The following FAAH2 variants were observed in gnomAD, a reference collection of about 807,000 sequenced individuals.
FAAH2 encodes fatty acid amide hydrolase 2.
In FAAH2, 60 loss-of-function variants were observed where a neutral mutation model predicts 36.9. The observed-to-expected ratio is 1.63, with a 90% CI of 1.32 to 2.02. The LOEUF is 2.02. Ranked by LOEUF, FAAH2 falls within the 30% of genes most tolerant of loss-of-function variation. The pLI is 0.00. For synonymous variants in FAAH2, 214 were observed against 143.8 expected (o/e 1.49, Z -3.49); for missense variants, 689 against 397.5 (o/e 1.73, Z -6.23).
At chrX:57,294,469 C>G (rs1254695568) in intron 2 of FAAH2, among the ~76,000 whole-genome samples, 2 of 112,033 alleles carry the variant, frequency 1.8e-5, no homozygotes, top group Non-Finnish European at 3.8e-5. Context: ...AAGCAAGATA[C>G]CTAGGTGTAC....
intron 5 of FAAH2, among the ~76,000 whole-genome samples, chrX:57,357,569 A>G (rs2054189343): frequency 8.9e-6 from 1 of 112,269 alleles, no homozygotes; most frequent in African/African-American, 3.2e-5. Context: ...TATGCAGACA[A>G]CAAATGTATG....
chrX:57,306,730 G>GTGTA (rs1555964642), intron 2 of FAAH2, among the ~76,000 whole-genome samples: 3 of 28,673 alleles, frequency 1.0e-4, no homozygotes, highest in African/African-American at 5.8e-4. Flanking sequence ...GTGTGTGTGT[G>GTGTA]TATATATATA....
intron 7 of FAAH2, among the ~76,000 whole-genome samples, chrX:57,420,147 T>C (rs2055973034): frequency 8.9e-6 from 1 of 111,883 alleles, no homozygotes; most frequent in Admixed American, 9.5e-5. Context: ...TGAAGTCAGG[T>C]AGCATGATGC....
At chrX:57,253,234 CAAA>C in the FAAH2 span, among the ~76,000 whole-genome samples, 24 of 100,125 alleles carry the variant, frequency 2.4e-4, no homozygotes, top group South Asian at 0.011. Flanking sequence ...TGAAAAGAAA[CAAA>C]AAAAAAAGCC....
intron 7 of FAAH2, chrX:57,394,594 C>T (rs2055247974): frequency 4.3e-6 from 5 of 1,175,619 alleles, no homozygotes; most frequent in Non-Finnish European, 1.2e-6. Flanking sequence ...CAGTGCTCTG[C>T]ATGAGCATTG....
chrX:57,481,231 G>C (rs949114733), intron 10 of FAAH2, among the ~76,000 whole-genome samples: 1 of 111,096 alleles, frequency 9.0e-6, no homozygotes, highest in Non-Finnish European at 1.9e-5. Flanking sequence ...ACATACTGAA[G>C]CCTACTTCTG....
chrX:57,350,027 T>C (rs1384387371), intron 5 of FAAH2, among the ~76,000 whole-genome samples: 1 of 110,644 alleles, frequency 9.0e-6, no homozygotes, highest in Admixed American at 9.6e-5. Context: ...TATTTACCTA[T>C]TAAAGAAAAA....
chrX:57,122,140 C>T, the FAAH2 span, among the ~76,000 whole-genome samples: 2 of 111,341 alleles, frequency 1.8e-5, no homozygotes, highest in African/African-American at 6.5e-5. Flanking sequence ...AGAGGAAAAT[C>T]ATCAACTGCA....
At chrX:57,379,730 TA>T (rs1411446580) in intron 6 of FAAH2, among the ~76,000 whole-genome samples, 1 of 110,606 alleles carries the variant, frequency 9.0e-6, no homozygotes, top group African/African-American at 3.3e-5. Flanking sequence ...TCATTAACTC[TA>T]AATTCTCACA....
intron 7 of FAAH2, among the ~76,000 whole-genome samples, chrX:57,427,701 C>A (rs961584294): frequency 7.2e-5 from 8 of 111,448 alleles, no homozygotes; most frequent in African/African-American, 2.6e-4. Flanking sequence ...TAGAATTCAG[C>A]ATAACTTTAT....
chrX:57,429,232 G>A (rs975347050), intron 7 of FAAH2, among the ~76,000 whole-genome samples: 13 of 108,925 alleles, frequency 1.2e-4, no homozygotes, highest in African/African-American at 4.0e-4. Flanking sequence ...CCAGCTACTT[G>A]GGAGGCTGAG....
At chrX:57,395,296 C>T in intron 7 of FAAH2, 1 of 647,637 alleles carries the variant, frequency 1.5e-6, no homozygotes. Flanking sequence ...TGTAATATTG[C>T]CAGGCCTGGT....
intron 5 of FAAH2, among the ~76,000 whole-genome samples, chrX:57,348,230 A>G (rs1181829922): frequency 9.1e-6 from 1 of 110,137 alleles, no homozygotes; most frequent in Non-Finnish European, 1.9e-5. Flanking sequence ...TTCCTAGGGA[A>G]CTGAGATTTG....
the FAAH2 span, among the ~76,000 whole-genome samples, chrX:57,152,434 A>T: frequency 3.6e-5 from 4 of 112,455 alleles, no homozygotes; most frequent in African/African-American, 1.3e-4. Context: ...CGAGCTTCCC[A>T]GCTGCTTTGT....
intron 8 of FAAH2, among the ~76,000 whole-genome samples, chrX:57,439,266 G>T (rs1427851695): frequency 9.1e-6 from 1 of 110,204 alleles, no homozygotes; most frequent in African/African-American, 3.3e-5. Flanking sequence ...AGCACCTGTT[G>T]TTTCCTGACT....
At chrX:57,271,535 G>A in the FAAH2 span, among the ~76,000 whole-genome samples, 1 of 112,120 alleles carries the variant, frequency 8.9e-6, no homozygotes, top group African/African-American at 3.2e-5. Context: ...CATCTGGAAG[G>A]TGTACCTCTG....
At chrX:57,415,519 ATGT>A (rs2055818387) in intron 7 of FAAH2, among the ~76,000 whole-genome samples, 1 of 111,686 alleles carries the variant, frequency 9.0e-6, no homozygotes, top group African/African-American at 3.3e-5. Context: ...CTCAGTTTCC[ATGT>A]ACTTTTGCAG....
intron 7 of FAAH2, among the ~76,000 whole-genome samples, chrX:57,414,969 G>C (rs758883967): frequency 2.8e-5 from 3 of 107,811 alleles, no homozygotes; most frequent in Non-Finnish European, 5.7e-5. Context: ...GGGTGTACGT[G>C]TCCAGGAATT....
At chrX:57,136,604 TG>T in the FAAH2 span, 1 of 385,635 alleles carries the variant, frequency 2.6e-6, no homozygotes, top group Non-Finnish European at 4.3e-6. Context: ...TCATGCCTGC[TG>T]GGGGAGGAGA....
Sources: gnomAD v4.1 joint callset for allele counts (sites outside exome capture counted in the v4.1 genomes callset) on GRCh38, gnomAD v4.1.1 for gene constraint, MANE v1.5 for transcripts, NCBI Gene and HGNC (gene_info 2026-07-23, HGNC 2026-07-21) for gene names.